CCDC7: variants seen among roughly 807,000 people sequenced by gnomAD.
The protein encoded by CCDC7 is coiled-coil domain containing 7, also known as coiled-coil domain-containing protein 7.
Under a neutral mutation model 196.9 loss-of-function variants are expected in CCDC7, and 183 were observed. The ratio of observed to expected loss-of-function variants is 0.93; its 90% confidence interval spans 0.82 to 1.05. The LOEUF (loss-of-function observed/expected upper bound fraction) is 1.05. Ranked by LOEUF, CCDC7 falls within the 50% of genes least tolerant of loss-of-function variation. The pLI, the probability that CCDC7 is intolerant of heterozygous loss-of-function variation, is 0.00. For synonymous variants in CCDC7, 525 were observed against 484.6 expected (o/e 1.08, Z -1.10); for missense variants, 1,540 against 1,482.2 (o/e 1.04, Z -0.64).
intron 18 of CCDC7, among the ~76,000 whole-genome samples, chr10:32,606,394 A>G (rs1016223699): frequency 1.3e-5 from 2 of 152,176 alleles, no homozygotes; most frequent in Non-Finnish European, 2.9e-5. Flanking sequence ...GGTACTGCCT[A>G]GTGGAGTTAT....
intron 8 of CCDC7, among the ~76,000 whole-genome samples, chr10:32,489,434 C>G (rs917716452): frequency 1.3e-5 from 2 of 152,172 alleles, no homozygotes; most frequent in African/African-American, 2.4e-5. Flanking sequence ...CATGTGCAGT[C>G]AGAGTCTCAA....
downstream of CCDC7, among the ~76,000 whole-genome samples, chr10:32,879,846 C>A (rs1015682544): frequency 6.6e-6 from 1 of 151,804 alleles, no homozygotes; most frequent in Non-Finnish European, 1.5e-5. Flanking sequence ...AGTATAATGA[C>A]TTCCAGCTCC....
At chr10:32,471,611 A>T (rs1388353541) in intron 6 of CCDC7, among the ~76,000 whole-genome samples, 1 of 152,186 alleles carries the variant, frequency 6.6e-6, no homozygotes, top group Non-Finnish European at 1.5e-5. Context: ...GGAAACTAAG[A>T]TCTAATGAAA....
At chr10:32,864,727 G>A (rs12269463) in intron 41 of CCDC7, among the ~76,000 whole-genome samples, 13,699 of 151,726 alleles carry the variant, frequency 0.09, 727 homozygotes, top group South Asian at 0.25. Flanking sequence ...ATGTTTAACC[G>A]TAATGATAGA....
chr10:32,856,640 C>T (rs780950240), intron 41 of CCDC7, among the ~76,000 whole-genome samples: 18 of 152,162 alleles, frequency 1.2e-4, no homozygotes, highest in Admixed American at 3.9e-4. Context: ...ACAGAGCCTG[C>T]GCCACTGCTG....
intron 18 of CCDC7, among the ~76,000 whole-genome samples, chr10:32,602,422 A>G (rs1299844989): frequency 6.6e-6 from 1 of 152,198 alleles, no homozygotes; most frequent in Non-Finnish European, 1.5e-5. Context: ...TTCCGGACAC[A>G]GACTTCTGAC....
chr10:32,790,354 G>T (rs371892496), intron 29 of CCDC7, among the ~76,000 whole-genome samples: 59 of 152,202 alleles, frequency 3.9e-4, no homozygotes, highest in African/African-American at 1.3e-3. Context: ...CTTGCATTCT[G>T]CATGCCTGCG....
chr10:32,769,697 G>A (rs1426363254), intron 28 of CCDC7, among the ~76,000 whole-genome samples: 1 of 132,216 alleles, frequency 7.6e-6, no homozygotes, highest in Admixed American at 8.7e-5. Context: ...TTTTCTCATT[G>A]TTCAACTCCC....
chr10:32,805,149 A>G (rs1234004325), intron 30 of CCDC7, 51 bp downstream of exon 31: 1 of 1,338,660 alleles, frequency 7.5e-7, no homozygotes, highest in Non-Finnish European at 1.1e-6. Context: ...TTCTCCTTCA[A>G]AGTTTAAGTG....
intron 22 of CCDC7, among the ~76,000 whole-genome samples, chr10:32,687,977 T>A (rs905805778): frequency 9.2e-5 from 14 of 152,182 alleles, no homozygotes; most frequent in African/African-American, 2.9e-4. Context: ...AGACAATGCT[T>A]GCAGTGTCAG....
At chr10:32,511,734 C>T in intron 9 of CCDC7, 3 of 1,579,826 alleles carry the variant, frequency 1.9e-6, no homozygotes, top group South Asian at 2.2e-5. Context: ...ATTTCTTCAC[C>T]TGCCGTTATG....
chr10:32,450,075 A>G (rs556202378), upstream of CCDC7, among the ~76,000 whole-genome samples: 8 of 152,356 alleles, frequency 5.3e-5, no homozygotes, highest in Admixed American at 1.3e-4. Flanking sequence ...ACAAAGTACC[A>G]CAAAGTGGGT....
At chr10:32,608,344 G>A (rs924083600) in intron 18 of CCDC7, among the ~76,000 whole-genome samples, 10 of 151,698 alleles carry the variant, frequency 6.6e-5, no homozygotes, top group Non-Finnish European at 1.5e-4. Context: ...TTTTGGTTTG[G>A]TTTGTTCCTC....
At chr10:32,802,360 C>G (rs1209505254) in intron 29 of CCDC7, among the ~76,000 whole-genome samples, 1 of 151,982 alleles carries the variant, frequency 6.6e-6, no homozygotes, top group East Asian at 1.9e-4. Flanking sequence ...TTGCATAACT[C>G]TCTAAACAGT....
intron 28 of CCDC7, among the ~76,000 whole-genome samples, chr10:32,760,364 G>A (rs937134991): frequency 4.6e-5 from 7 of 151,956 alleles, no homozygotes; most frequent in Admixed American, 4.6e-4. Context: ...AACAATGATA[G>A]ACTGGATTAA....
At chr10:32,804,122 A>G (rs2085345494) in intron 29 of CCDC7, among the ~76,000 whole-genome samples, 1 of 152,180 alleles carries the variant, frequency 6.6e-6, no homozygotes, top group Non-Finnish European at 1.5e-5. Flanking sequence ...TCCAGTGTTT[A>G]CAGGTTTCTA....
chr10:32,496,021 A>G (rs2042865268), intron 9 of CCDC7, among the ~76,000 whole-genome samples: 1 of 152,136 alleles, frequency 6.6e-6, no homozygotes, highest in Non-Finnish European at 1.5e-5. Flanking sequence ...CTTCCTATCT[A>G]TGAGCATGGA....
intron 28 of CCDC7, among the ~76,000 whole-genome samples, chr10:32,758,962 G>C (rs982866420): frequency 4.0e-5 from 6 of 151,624 alleles, no homozygotes; most frequent in Non-Finnish European, 8.9e-5. Flanking sequence ...AGCAGACAGA[G>C]AGCCAAATCA....
intron 13 of CCDC7, among the ~76,000 whole-genome samples, chr10:32,550,995 C>G (rs2053385468): frequency 6.6e-6 from 1 of 152,096 alleles, no homozygotes; most frequent in Admixed American, 6.6e-5. Context: ...CTTTGAACGT[C>G]TGGTAGAATT....
Sources: allele counts gnomAD v4.1 joint callset (sites outside exome capture counted in the v4.1 genomes callset), GRCh38; gene constraint gnomAD v4.1.1; transcripts MANE v1.5; gene names NCBI Gene and HGNC (gene_info 2026-07-23, HGNC 2026-07-21).